USP30: variants seen among roughly 807,000 people sequenced by gnomAD.
The protein encoded by USP30 is ubiquitin specific peptidase 30.
A neutral mutation model predicts 68.2 loss-of-function variants in USP30; 41 were observed. That is an observed-to-expected ratio of 0.60 (90% CI 0.47 to 0.78). USP30 has a LOEUF of 0.78. USP30 is among the 30% of genes least tolerant of loss of function. The pLI, the probability that USP30 is intolerant of heterozygous loss-of-function variation, is 0.00. For synonymous variants in USP30, 229 were observed against 253.7 expected (o/e 0.90, Z 0.93); for missense variants, 522 against 649.4 (o/e 0.80, Z 2.13).
chr12:109,081,384 C>A lies in USP30; in HGVS notation c.771C>A (p.Ala257=). 6.2e-7 allele frequency: 1 copy of A among 1,614,016 alleles called. No individual in the cohort carries two copies. ...TFDSLSLSIP[A]ATWGHPLTLD... ...ATAGCCTTTCACTAAGTATTCCAGC[C>A]GCCACATGGGTATGTACTGATTTAT... Residue 257 remains alanine, a synonymous_variant, in exon 8 of 13, where the codon GCC becomes GCA. Coordinates refer to ENST00000257548, the MANE Select transcript of USP30 (RefSeq NM_032663.5).
chr12:109,058,397 C>A (rs1228808137), intron 3 of USP30, among the ~76,000 whole-genome samples: 1 of 151,962 alleles, frequency 6.6e-6, no homozygotes, highest in Non-Finnish European at 1.5e-5. Flanking sequence ...GGAGAAACTC[C>A]ATCTCTACTA....
chr12:109,076,193 A>C (rs529102265), intron 7 of USP30, among the ~76,000 whole-genome samples: 14 of 152,316 alleles, frequency 9.2e-5, no homozygotes, highest in African/African-American at 2.6e-4. Context: ...GAATTTAAAA[A>C]AATTTATTTT....
chr12:109,085,385 A>G (rs1034803097), intron 12 of USP30, among the ~76,000 whole-genome samples: 9 of 152,212 alleles, frequency 5.9e-5, no homozygotes, highest in Non-Finnish European at 1.3e-4. Context: ...ACTTAGGGTC[A>G]TGCACTCTAT....
chr12:109,077,825 T>A (rs10850840), intron 7 of USP30, among the ~76,000 whole-genome samples: 4 of 151,004 alleles, frequency 2.6e-5, no homozygotes, highest in Non-Finnish European at 5.9e-5. Context: ...GTGTTTGTGT[T>A]GGGGGGGGAG....
intron 3 of USP30, among the ~76,000 whole-genome samples, chr12:109,061,410 A>AT (rs1298832604): frequency 2.1e-4 from 7 of 32,772 alleles, no homozygotes; most frequent in South Asian, 1.8e-3. Context: ...AAAAAAAAAA[A>AT]TTTTTTTTTT....
At chr12:109,050,931 T>C (rs559696251), upstream of USP30, among the ~76,000 whole-genome samples, 2 of 151,994 alleles carry the variant, frequency 1.3e-5, no homozygotes, top group East Asian at 1.9e-4. Context: ...CGCTTGAACC[T>C]GAGAGGCGAG....
intron 3 of USP30, among the ~76,000 whole-genome samples, chr12:109,066,767 TCAAATACAAA>T (rs1003998310): frequency 3.4e-4 from 51 of 152,100 alleles, no homozygotes; most frequent in African/African-American, 9.6e-4. Context: ...AATCAGAAAC[TCAAATACAAA>T]CAAATACAAG....
intron 11 of USP30, among the ~76,000 whole-genome samples, chr12:109,084,018 G>C (rs972365437): frequency 6.6e-6 from 1 of 152,068 alleles, no homozygotes; most frequent in Non-Finnish European, 1.5e-5. Flanking sequence ...CATCTCCTGG[G>C]CTGGGGTGCA....
intron 3 of USP30, among the ~76,000 whole-genome samples, chr12:109,038,985 T>G (rs185000566): frequency 1.4e-3 from 213 of 152,340 alleles, no homozygotes; most frequent in African/African-American, 4.7e-3. Context: ...TTGCAAGAGT[T>G]CTTTACATAT....
At chr12:109,068,035 C>T (rs937932710) in intron 4 of USP30, among the ~76,000 whole-genome samples, 1 of 152,138 alleles carries the variant, frequency 6.6e-6, no homozygotes, top group Admixed American at 6.5e-5. Context: ...CGGAGCTTTG[C>T]TTAAAGTAGC....
At chr12:109,053,846 C>T (rs1307076940) in intron 1 of USP30, 1 of 319,692 alleles carries the variant, frequency 3.1e-6, no homozygotes, top group African/African-American at 2.2e-5. Context: ...GTCCTCTCTC[C>T]CATCCCCTTG....
chr12:109,057,508 A>G (rs1424060257), intron 2 of USP30, among the ~76,000 whole-genome samples: 1 of 152,240 alleles, frequency 6.6e-6, no homozygotes, highest in Non-Finnish European at 1.5e-5. Context: ...GAACAGAATC[A>G]TTGTCCTGGG....
chr12:109,050,843 A>G (rs2040657299), upstream of USP30, among the ~76,000 whole-genome samples: 1 of 152,110 alleles, frequency 6.6e-6, no homozygotes, highest in Non-Finnish European at 1.5e-5. Flanking sequence ...CGTCTCTACT[A>G]AAAATACAAA....
At chr12:109,030,083 G>T (rs957047384) in intron 3 of USP30, among the ~76,000 whole-genome samples, 5 of 152,086 alleles carry the variant, frequency 3.3e-5, no homozygotes, top group Non-Finnish European at 7.4e-5. Flanking sequence ...TGCAAGTTAC[G>T]CTGTAAGATT....
chr12:109,039,872 G>A (rs552191717), intron 3 of USP30, among the ~76,000 whole-genome samples: 1 of 152,264 alleles, frequency 6.6e-6, no homozygotes, highest in Non-Finnish European at 1.5e-5. Context: ...GCCTCCCAAA[G>A]TGCTGGGATT....
intron 1 of USP30, chr12:109,053,126 C>T (rs2040724463): frequency 5.2e-6 from 1 of 192,720 alleles, no homozygotes; most frequent in Admixed American, 6.1e-5. Context: ...AGTATACCCC[C>T]AGTCCTTCTG....
intron 3 of USP30, among the ~76,000 whole-genome samples, chr12:109,036,409 T>C (rs1278793607): frequency 1.3e-5 from 2 of 151,830 alleles, no homozygotes; most frequent in African/African-American, 4.8e-5. Flanking sequence ...CAAGAGATTC[T>C]CCTGCCTCAG....
intron 3 of USP30, chr12:109,060,181 AC>A (rs1274415458): frequency 6.6e-6 from 1 of 152,222 alleles, no homozygotes; most frequent in African/African-American, 2.4e-5. Context: ...AGAGCAGCGT[AC>A]AAAATATAAT....
intron 3 of USP30, among the ~76,000 whole-genome samples, chr12:109,033,963 C>A (rs1440782207): frequency 1.3e-5 from 2 of 152,186 alleles, no homozygotes; most frequent in African/African-American, 2.4e-5. Flanking sequence ...AAAGGACAAA[C>A]TCCAAAAGTC....
Sources: gnomAD v4.1 joint callset for allele counts (sites outside exome capture counted in the v4.1 genomes callset) on GRCh38, gnomAD v4.1.1 for gene constraint, MANE v1.5 for transcripts, NCBI Gene and HGNC (gene_info 2026-07-23, HGNC 2026-07-21) for gene names.